BPIFB2: variants seen among roughly 807,000 people sequenced by gnomAD.
BPIFB2 encodes BPI fold-containing family B member 2.
Under a neutral mutation model 50.1 loss-of-function variants are expected in BPIFB2, and 39 were observed. That is an observed-to-expected ratio of 0.78 (90% CI 0.60 to 1.02). The LOEUF (loss-of-function observed/expected upper bound fraction) is 1.02, where lower values mean the gene tolerates loss of function less well. Ranked by LOEUF, BPIFB2 falls within the 50% of genes least tolerant of loss-of-function variation. The pLI, the probability that BPIFB2 is intolerant of heterozygous loss-of-function variation, is 0.00. For synonymous variants in BPIFB2, 280 were observed against 256.3 expected, an observed-to-expected ratio of 1.09 and a Z score of -0.88; for missense variants, 574 against 585.8, an observed-to-expected ratio of 0.98 and a Z score of 0.21.
rs961936313 is a variant in BPIFB2, at chr20:33,023,545, C to T, written c.*162C>T. 10 of 757,132 alleles carry T rather than the reference C, an allele frequency of 1.3e-5. No individual in the cohort carries two copies. The highest frequency in any genetic ancestry group is 2.6e-5 in the East Asian group (1 of 38,108). The allele number at this position is 757,132 out of a possible 1,614,324, so 46.9% of individuals were successfully genotyped here. ...TATCTTCCCTGAGTGCCTGGGTCTCCCTCCCTCACTTCTGCCCTTTCCCTT... is the reference window on the plus strand; with the variant it reads ...TATCTTCCCTGAGTGCCTGGGTCTCTCTCCCTCACTTCTGCCCTTTCCCTT... On this transcript the variant is annotated 3_prime_UTR_variant, in exon 16 of 16. Transcript: ENST00000170150.
intron 3 of BPIFB2, among the ~76,000 whole-genome samples, chr20:33,011,944 A>G (rs896306474): frequency 2.0e-5 from 3 of 152,206 alleles, no homozygotes; most frequent in Non-Finnish European, 4.4e-5. Context: ...GTGCCATTGT[A>G]CTCCAGCCTG....
rs545567802 is a variant in BPIFB2 at position 33,009,601 on chromosome 20, C to T, written c.109+918C>T. Among the ~76,000 whole-genome samples the T allele has an allele frequency of 6.6e-6, 1 of 152,200 alleles. No individual in the cohort carries two copies. Among genetic ancestry groups the T allele is most frequent in the Non-Finnish European group, 1.5e-5 (1 of 68,038 alleles). On this transcript the variant is annotated intron_variant, in intron 2 of 15. Transcript: ENST00000170150. The surrounding 1 kb of genome is among the most constrained non-coding windows in gnomAD (Gnocchi z 4.2). ...CTGGGTAAACACAGCCTTCCGGGAC[C>T]TCATATCCGGGCTGATGGGCAGGCA...
rs755114517 is a variant in BPIFB2, at chr20:33,017,100, T to C, written c.575T>C (p.Ile192Thr). Residue 192 changes from isoleucine (I) to threonine (T), a missense_variant and splice_region_variant, in exon 7 of 16, where the codon ATT becomes ACT. Ile to Thr is a moderately conservative substitution (Grantham distance 89). Transcript: ENST00000170150. Reference sequence around the variant, plus strand: ...GTCAATGTCCACCTGGGCACCTTAATTGGTAAGATCTGGGAGCCAGGGGAG... The same window carrying C: ...GTCAATGTCCACCTGGGCACCTTAACTGGTAAGATCTGGGAGCCAGGGGAG... ...QGVNVHLGTLIGLNPVGPESQ... is the reference protein window; with the variant it reads ...QGVNVHLGTLTGLNPVGPESQ... The C allele has an allele frequency of 2.5e-6, 4 of 1,613,778 alleles. No homozygotes were observed.
In BPIFB2 at chr20:33,019,137, T is replaced by G. The variant is rs562507190; in HGVS notation, c.909+22T>G. The G allele has an allele frequency of 3.7e-6, 6 of 1,614,024 alleles. No individual in the cohort carries two copies. In the African/African-American group the frequency reaches 5.3e-5, roughly 14 times the overall value. ...GGAGGTCGGTGATGTTTCTGATCATTCCAGGGACTGAGACAAGGGACTGGG... is the reference window on the plus strand; with the variant it reads ...GGAGGTCGGTGATGTTTCTGATCATGCCAGGGACTGAGACAAGGGACTGGG... On this transcript the variant is annotated intron_variant, in intron 10 of 15. Transcript: ENST00000170150.
Position 33,011,083 on chromosome 20 carries a change from C to T in BPIFB2, c.169C>T (p.Leu57=). The T allele has an allele frequency of 1.9e-6, 3 of 1,614,036 alleles. No homozygotes were observed. The part of the protein sequence containing the change: ...RALQVTVPHF[L]DWSGEALQPT... ...CCTGCAGGTCACTGTCCCTCATTTC[C>T]TGGACTGGAGTGGAGAGGCGCTTCA... The change falls in exon 3 of 16, where the codon CTG becomes TTG. Residue 57 remains leucine, a synonymous_variant. Transcript: ENST00000170150.
At position 33,008,621 on chromosome 20, in the gene BPIFB2, C is replaced by A; in HGVS notation, c.47C>A (p.Pro16His). ...GGCCTGCTGCTGGCACTGCTGCTGC[C>A]CGTGGTCGGTGCCTCCACGCCAGGC... ...RLGLLLALLLPVVGASTPGTV... is the reference protein window; with the variant it reads ...RLGLLLALLLHVVGASTPGTV... The change falls in exon 2 of 16, where the codon CCC (proline) becomes CAC (histidine). Residue 16 changes from proline to histidine, a missense_variant. Coordinates refer to ENST00000170150, the MANE Select transcript of BPIFB2 (RefSeq NM_025227.3). 6.2e-7 allele frequency: 1 copy of A among 1,606,840 alleles called. No homozygotes were observed. Among genetic ancestry groups the A allele is most frequent in the Non-Finnish European group, 8.5e-7 (1 of 1,176,926 alleles).
At chr20:33,016,632 C>T (rs1372492430) in intron 6 of BPIFB2, among the ~76,000 whole-genome samples, 1 of 152,228 alleles carries the variant, frequency 6.6e-6, no homozygotes, top group East Asian at 1.9e-4. Context: ...GCATCTGAAG[C>T]TTGGCCTGGT....
intron 10 of BPIFB2, 60 bp downstream of exon 10, chr20:33,019,175 TG>T: frequency 1.9e-6 from 3 of 1,593,236 alleles, no homozygotes; most frequent in Non-Finnish European, 2.6e-6. Context: ...GGGGGTTCTC[TG>T]GGTCATGGGA....
chr20:33,021,068 G>A (rs1329007410), intron 13 of BPIFB2, among the ~76,000 whole-genome samples: 1 of 152,214 alleles, frequency 6.6e-6, no homozygotes, highest in African/African-American at 2.4e-5. Flanking sequence ...GCTGCTGGGT[G>A]TGATCCTGCG....
At chr20:33,023,056 T>C (rs1413101399) in intron 15 of BPIFB2, among the ~76,000 whole-genome samples, 2 of 152,168 alleles carry the variant, frequency 1.3e-5, no homozygotes. Context: ...AGATGCTCCA[T>C]GGTTCTGGGC....
chr20:33,023,397 G>C lies in BPIFB2; in HGVS notation c.*14G>C, dbSNP rs369479360. ...TACCAGAGCTGAGGCAAGACCACTG[G>C]GAGGCCTGAGAGTGGGCCAGCTCGC... On this transcript the variant is annotated 3_prime_UTR_variant, in exon 16 of 16. Coordinates refer to ENST00000170150, the MANE Select transcript of BPIFB2 (RefSeq NM_025227.3). 2 of 1,613,560 alleles carry C rather than the reference G, an allele frequency of 1.2e-6. No homozygotes were observed. Among genetic ancestry groups the C allele is most frequent in the South Asian group, 2.2e-5 (2 of 91,078 alleles).
rs769081451 is a variant in BPIFB2, at chr20:33,019,720, G to A, written c.1050G>A (p.Ser350=). ...FVEVLATASN[S]AFQSLFSLDV... is the part of the protein sequence containing the mutation. ...AGGTCCTGGCCACAGCCTCCAACTC[G>A]GCTTTCCAGTCCCTCTTCTCCCTGG... Residue 350 remains serine (S), a synonymous_variant, in exon 11 of 16, where the codon TCG becomes TCA. Transcript: ENST00000170150. The A allele has an allele frequency of 4.2e-5, 68 of 1,609,912 alleles. No individual in the cohort carries two copies. The Middle Eastern group carries it at 8.3e-4, about 20-fold the overall frequency.
Position 33,019,658 on chromosome 20 carries a change from A to G in BPIFB2, c.988A>G (p.Thr330Ala), listed in dbSNP as rs371774461. The part of the protein sequence containing the change: ...LGATPVAMLH[T>A]NNATLRLQPF... ...TGCCACACCTGTGGCCATGCTCCAC[A>G]CAAACAACGCCACCCTGCGGCTGCA... Residue 330 changes from threonine to alanine, a missense_variant, in exon 11 of 16, where the codon ACA becomes GCA. Physicochemically the swap from Thr to Ala is moderately conservative, Grantham distance 58. Transcript: ENST00000170150. The G allele has an allele frequency of 1.6e-5, 26 of 1,612,754 alleles. No individual in the cohort carries two copies. The highest frequency in any genetic ancestry group is 2.2e-5 in the Non-Finnish European group (26 of 1,179,484).
At chr20:33,019,959 C>G (rs1049637118) in intron 11 of BPIFB2, among the ~76,000 whole-genome samples, 4 of 152,358 alleles carry the variant, frequency 2.6e-5, no homozygotes, top group East Asian at 1.9e-4. Flanking sequence ...CCAGCTCCCC[C>G]TCCTCTTCCA....
At chr20:33,020,284 T>C in intron 11 of BPIFB2, 44 bp from the exon 12 acceptor site, 2 of 1,592,836 alleles carry the variant, frequency 1.3e-6, no homozygotes, top group Non-Finnish European at 1.7e-6. Context: ...GGTGCCCCCC[T>C]CATGGCTCTG....
Position 33,017,102 on chromosome 20 carries a change from G to A in BPIFB2, c.577G>A (p.Gly193Ser). Residue 193 changes from glycine to serine, a missense_variant and splice_region_variant, in exon 7 of 16, where the codon GGC (glycine) becomes AGC (serine). Coordinates refer to ENST00000170150, the MANE Select transcript of BPIFB2 (RefSeq NM_025227.3). ...GVNVHLGTLI[G>S]LNPVGPESQI... ...CAATGTCCACCTGGGCACCTTAATT[G>A]GTAAGATCTGGGAGCCAGGGGAGGG... 1 of 1,613,786 alleles carries A rather than the reference G, an allele frequency of 6.2e-7. No homozygotes were observed. The highest frequency in any genetic ancestry group is 8.5e-7 in the Non-Finnish European group (1 of 1,179,902).
rs569012378 is a variant in BPIFB2 at position 33,013,921 on chromosome 20, C to A, written c.420C>A (p.Phe140Leu). 1 of 1,613,954 alleles carries A rather than the reference C, an allele frequency of 6.2e-7. No homozygotes were observed. The highest frequency in any genetic ancestry group is 1.1e-5 in the South Asian group (1 of 91,074). The change falls in exon 5 of 16, where the codon TTC (phenylalanine) becomes TTA (leucine). Residue 140 changes from phenylalanine (F) to leucine (L), a missense_variant. Coordinates refer to ENST00000170150, the MANE Select transcript of BPIFB2 (RefSeq NM_025227.3). The stretch of plus-strand genomic sequence containing the variant: ...TCAGCATCTCTGCCTGCTCTTTATT[C>A]TCGGGCCACGCCAACGAGTTTGATG... ...PVVSISACSL[F>L]SGHANEFDGS...
intron 7 of BPIFB2, among the ~76,000 whole-genome samples, chr20:33,017,912 G>A (rs1395098266): frequency 6.6e-6 from 1 of 152,172 alleles, no homozygotes; most frequent in Non-Finnish European, 1.5e-5. Flanking sequence ...CTTTTTCTGT[G>A]GTTGCTTCTC....
chr20:33,018,302 G>T lies in BPIFB2; in HGVS notation c.621G>T (p.Met207Ile). 1 of 1,614,050 alleles carries T rather than the reference G, an allele frequency of 6.2e-7. No individual in the cohort carries two copies. The highest frequency in any genetic ancestry group is 8.5e-7 in the Non-Finnish European group (1 of 1,179,978). The change falls in exon 8 of 16, where the codon ATG (methionine) becomes ATT (isoleucine). Residue 207 changes from methionine to isoleucine, a missense_variant. Met to Ile is a conservative substitution (Grantham distance 10). Coordinates refer to ENST00000170150, the MANE Select transcript of BPIFB2 (RefSeq NM_025227.3). ...VGPESQIRYS[M>I]VSVPTVTSDY... ...CTGAGTCCCAGATCCGCTATTCCAT[G>T]GTCAGTGTGCCCACTGTCACCAGTG...
Sources: allele counts gnomAD v4.1 joint callset (sites outside exome capture counted in the v4.1 genomes callset), GRCh38; gene constraint gnomAD v4.1.1; non-coding constraint Gnocchi (gnomAD v3.1); transcripts MANE v1.5; gene names NCBI Gene and HGNC (gene_info 2026-07-23, HGNC 2026-07-21).